Variants in WRN observed in about 807,000 individuals in gnomAD.
The protein encoded by WRN is bifunctional 3'-5' exonuclease/ATP-dependent helicase WRN.
Under a neutral mutation model 180.7 loss-of-function variants are expected in WRN, and 149 were observed. The ratio of observed to expected loss-of-function variants is 0.82; its 90% CI spans 0.72 to 0.94. The LOEUF is 0.94. Ranked by LOEUF, WRN falls within the 40% of genes least tolerant of loss-of-function variation. The probability of loss-of-function intolerance (pLI) is 0.00; values close to 1 mark genes in which losing one functional copy is unlikely to be tolerated. For synonymous variants in WRN, 548 were observed against 568.9 expected (o/e 0.96, Z 0.52); for missense variants, 1,661 against 1,700.1 (o/e 0.98, Z 0.40).
intron 18 of WRN, among the ~76,000 whole-genome samples, chr8:31,103,524 C>G (rs1467967491): frequency 6.6e-6 from 1 of 151,794 alleles, no homozygotes; most frequent in Non-Finnish European, 1.5e-5. Flanking sequence ...CACATGTGCT[C>G]TGTCATTGAC....
intron 28 of WRN, among the ~76,000 whole-genome samples, chr8:31,144,886 G>C (rs1802799315): frequency 6.6e-6 from 1 of 152,186 alleles, no homozygotes; most frequent in South Asian, 2.1e-4. Context: ...AAGTTTTAGT[G>C]GTCTTTATAG....
intron 21 of WRN, among the ~76,000 whole-genome samples, chr8:31,123,087 G>C (rs2130335887): frequency 6.6e-6 from 1 of 151,932 alleles, no homozygotes; most frequent in East Asian, 1.9e-4. Flanking sequence ...TTTTAAATCA[G>C]TGGTGGCTTT....
rs11574230 is a variant in WRN, at chr8:31,083,893, T to TA, written c.1350+115dup. ...CTACCACAATGAAATTGCTACTAAT[T>TA]ATGTAACATTAGATTTCACATTTTC... is the stretch of plus-strand genomic sequence containing the variant. On this transcript the variant is annotated intron_variant, in intron 10 of 34. Transcript: ENST00000298139. 4.4e-3 allele frequency: 4,792 copies of TA among 1,098,510 alleles called. No homozygotes were observed. In the African/African-American group the frequency reaches 0.065, roughly 15 times the overall value. The allele number at this position is 1,098,510 out of a possible 1,614,324, so 68.0% of individuals were successfully genotyped here.
At chr8:31,069,803 A>C (rs1812839446) in intron 7 of WRN, among the ~76,000 whole-genome samples, 1 of 152,160 alleles carries the variant, frequency 6.6e-6, no homozygotes, top group Non-Finnish European at 1.5e-5. Flanking sequence ...ATAAGAACTT[A>C]CTTAACTCAT....
intron 16 of WRN, among the ~76,000 whole-genome samples, chr8:31,092,626 T>C (rs1466032040): frequency 1.3e-5 from 2 of 152,032 alleles, no homozygotes; most frequent in East Asian, 3.9e-4. Context: ...TATATTAGTA[T>C]ATACATACAC....
chr8:31,051,227 T>G (rs754147738), intron 1 of WRN, among the ~76,000 whole-genome samples: 1 of 152,122 alleles, frequency 6.6e-6, no homozygotes, highest in Admixed American at 6.5e-5. Context: ...TCTGAGTTCA[T>G]CCACCAAAAC....
intron 23 of WRN, among the ~76,000 whole-genome samples, chr8:31,129,410 A>G (rs964830935): frequency 6.6e-6 from 1 of 152,260 alleles, no homozygotes; most frequent in Non-Finnish European, 1.5e-5. Context: ...AATACTTACT[A>G]TCTGGTCCTT....
At chr8:31,122,238 T>C (rs1043650281) in intron 21 of WRN, among the ~76,000 whole-genome samples, 4 of 151,952 alleles carry the variant, frequency 2.6e-5, no homozygotes, top group Non-Finnish European at 5.9e-5. Context: ...ATAGGATTAA[T>C]CAGGATAAAA....
At position 31,127,614 on chromosome 8, in the gene WRN, A is replaced by G. The variant is rs533159494; in HGVS notation, c.2825+2614A>G. Among the ~76,000 whole-genome samples the G allele has an allele frequency of 9.9e-5, 15 of 152,154 alleles. No individual in the cohort carries two copies. The South Asian group carries it at 3.1e-3, about 32-fold the overall frequency. On this transcript the variant is annotated intron_variant, in intron 23 of 34. Coordinates refer to ENST00000298139, the MANE Select transcript of WRN (RefSeq NM_000553.6). ...AAAAAACAAAAACAAAAAAAATACA[A>G]CCAACAAACAGTAACTTGCTGGTGC...
At chr8:31,070,973 G>A (rs1163239666) in intron 7 of WRN, among the ~76,000 whole-genome samples, 10 of 151,658 alleles carry the variant, frequency 6.6e-5, no homozygotes. Context: ...TTTAATCTGG[G>A]AGGTGGAGGT....
At chr8:31,035,069 C>T (rs1011774175) in intron 1 of WRN, among the ~76,000 whole-genome samples, 1 of 151,580 alleles carries the variant, frequency 6.6e-6, no homozygotes, top group African/African-American at 2.4e-5. Context: ...TATTTTTTTT[C>T]CCCCACAGTG....
chr8:31,160,561 A>G (rs1166259024), intron 33 of WRN, among the ~76,000 whole-genome samples: 1 of 152,244 alleles, frequency 6.6e-6, no homozygotes, highest in African/African-American at 2.4e-5. Flanking sequence ...AGGGAAAGCC[A>G]AAGACTCAGA....
At position 31,141,594 on chromosome 8, in the gene WRN, G is replaced by A. The variant is rs775952540; in HGVS notation, c.3132G>A (p.Thr1044=). 69 of 1,613,716 alleles carry A rather than the reference G, an allele frequency of 4.3e-5. No individual in the cohort carries two copies. The Admixed American group carries it at 5.7e-4, about 13-fold the overall frequency. The change falls in exon 25 of 35, where the codon ACG becomes ACA. Residue 1044 remains threonine, a synonymous_variant. Transcript: ENST00000298139. ...AATTTATGAAGATTTGCGCCCTTAC[G>A]AAAAAGGTAAACGGTGTAGGAGTCT... ...YNKFMKICAL[T]KKGRNWLHKA... is the part of the protein sequence containing the mutation.
At chr8:31,058,658 T>TTAGGTCAA in intron 2 of WRN, 115 bp downstream of exon 2, 2 of 1,038,922 alleles carry the variant, frequency 1.9e-6, no homozygotes. Flanking sequence ...GAGTTGCTGT[T>TTAGGTCAA]GTCTAAATGC....
chr8:31,046,582 A>G (rs1479421774), intron 1 of WRN, among the ~76,000 whole-genome samples: 2 of 152,122 alleles, frequency 1.3e-5, no homozygotes, highest in East Asian at 3.8e-4. Context: ...CATTTTTCCA[A>G]TCTCTTCTAC....
intron 23 of WRN, among the ~76,000 whole-genome samples, chr8:31,128,894 AAAAAAC>A (rs199525957): frequency 0.023 from 3,433 of 152,336 alleles, 119 homozygotes; most frequent in African/African-American, 0.076. Context: ...CAAAAAAACT[AAAAAAC>A]AAAAACAAAA....
At chr8:31,048,115 G>A (rs1002879172) in intron 1 of WRN, among the ~76,000 whole-genome samples, 40 of 152,178 alleles carry the variant, frequency 2.6e-4, no homozygotes, top group Admixed American at 1.0e-3. Flanking sequence ...AGGAAAAATT[G>A]TTAGATACCT....
rs1563385560 is a variant in WRN, at chr8:31,154,756, G to GT, written c.3819+2dup. 4.3e-6 allele frequency: 7 copies of GT among 1,613,286 alleles called. No homozygotes were observed. Among genetic ancestry groups the GT allele is most frequent in the Middle Eastern group, 1.7e-4 (1 of 6,050 alleles). ...ATTCCAAGAAAAGAAGATGCCTTTGGTAAGTGTGACTTTCATGTTACAGGG... is the reference window on the plus strand; with the variant it reads ...ATTCCAAGAAAAGAAGATGCCTTTGGTTAAGTGTGACTTTCATGTTACAGGG... On this transcript the variant is annotated splice_donor_variant, in intron 32 of 34. Transcript: ENST00000298139. LOFTEE classifies it high-confidence loss of function.
chr8:31,111,934 C>A, intron 19 of WRN, 135 bp downstream of exon 19: 1 of 1,097,578 alleles, frequency 9.1e-7, no homozygotes, highest in Non-Finnish European at 1.3e-6. Flanking sequence ...AGTTTTGGTT[C>A]AAGTCAAGCA....
Sources: gnomAD v4.1 joint callset for allele counts (sites outside exome capture counted in the v4.1 genomes callset) on GRCh38, gnomAD v4.1.1 for gene constraint, MANE v1.5 for transcripts, NCBI Gene and HGNC (gene_info 2026-07-23, HGNC 2026-07-21) for gene names.